The following DMD variants were observed in gnomAD, a reference collection of about 807,000 sequenced individuals.
DMD encodes dystrophin.
In DMD, 63 loss-of-function variants were observed where a neutral mutation model predicts 330.1. That is an observed-to-expected ratio of 0.19 (90% confidence interval 0.16 to 0.24). The LOEUF is 0.24. Ranked by LOEUF, DMD falls within the 10% of genes least tolerant of loss-of-function variation. The pLI, the probability that DMD is intolerant of heterozygous loss-of-function variation, is 1.00. For missense variants in DMD, 3,344 were observed against 2,684.1 expected, an observed-to-expected ratio of 1.25 and a Z score of -5.43; for synonymous variants, 1,223 against 959.8, an observed-to-expected ratio of 1.27 and a Z score of -5.07.
intron 47 of DMD, among the ~76,000 whole-genome samples, chrX:31,879,577 C>A: frequency 8.9e-6 from 1 of 112,172 alleles, no homozygotes; most frequent in African/African-American, 3.2e-5. Context: ...AATAATGAAT[C>A]ATTATTATTC....
At chrX:31,130,331 C>A (rs1037958712) in intron 77 of DMD, among the ~76,000 whole-genome samples, 4 of 111,667 alleles carry the variant, frequency 3.6e-5, no homozygotes, top group Non-Finnish European at 7.5e-5. Flanking sequence ...TTAGAGAGTA[C>A]CTTATAGTAA....
intron 9 of DMD, among the ~76,000 whole-genome samples, chrX:32,664,366 C>T (rs753500869): frequency 1.8e-5 from 2 of 108,562 alleles, no homozygotes; most frequent in African/African-American, 3.4e-5. Flanking sequence ...CTCAGCCTCC[C>T]GAGTAGCTGG....
At chrX:31,221,761 A>G (rs1280463719) in intron 64 of DMD, among the ~76,000 whole-genome samples, 1 of 113,045 alleles carries the variant, frequency 8.8e-6, no homozygotes, top group Non-Finnish European at 1.9e-5. Flanking sequence ...CAGAGCAGAA[A>G]CTGTGCCTGT....
chrX:32,416,952 C>T (rs946654709), intron 29 of DMD, among the ~76,000 whole-genome samples: 1 of 111,902 alleles, frequency 8.9e-6, no homozygotes, highest in Non-Finnish European at 1.9e-5. Context: ...TTTTTACCTA[C>T]TAACAGGTTG....
intron 43 of DMD, among the ~76,000 whole-genome samples, chrX:32,232,214 C>T (rs1383330408): frequency 1.8e-5 from 2 of 111,756 alleles, no homozygotes; most frequent in Admixed American, 9.5e-5. Flanking sequence ...CCGGGAGTTG[C>T]ACCCATAAGG....
chrX:32,617,833 G>A (rs1348199932), intron 11 of DMD, among the ~76,000 whole-genome samples: 1 of 111,033 alleles, frequency 9.0e-6, no homozygotes, highest in South Asian at 3.7e-4. Flanking sequence ...TATCTGATGG[G>A]GGTTCATATA....
At chrX:31,715,787 T>C (rs1423084457) in intron 52 of DMD, among the ~76,000 whole-genome samples, 1 of 111,030 alleles carries the variant, frequency 9.0e-6, no homozygotes, top group East Asian at 2.8e-4. Flanking sequence ...CACTACCCAT[T>C]GCAAAGTCTG....
chrX:32,463,403 G>A lies in DMD; in HGVS notation c.3432+36C>T, dbSNP rs72468659. ...ACATTAGGAAATCTTAGTTAAGTAC[G>A]TTGAGGCAAGCCACAGTGAAAGAGA... On this transcript the variant is annotated intron_variant, in intron 25 of 78. Transcript: ENST00000357033. 2,206 of 1,150,794 alleles carry A rather than the reference G, an allele frequency of 1.9e-3. 37 individuals are homozygous for A. In the African/African-American group the frequency reaches 0.034, roughly 18 times the overall value. The allele number at this position is 1,150,794 out of a possible 1,213,427, so 94.8% of individuals were successfully genotyped here.
Position 32,415,331 on chromosome X carries a change from G to A in DMD, c.4072-3418C>T, listed in dbSNP as rs2098162157. On this transcript the variant is annotated intron_variant, in intron 29 of 78. Coordinates refer to ENST00000357033, the MANE Select transcript of DMD (RefSeq NM_004006.3). Reference sequence around the variant, plus strand: ...TGATGGCAGAGTTGACTTCGGGTGGGTTGGCTCTTTTCCTGGCCTGACAGT... The same window carrying A: ...TGATGGCAGAGTTGACTTCGGGTGGATTGGCTCTTTTCCTGGCCTGACAGT... 2.7e-5 allele frequency among the ~76,000 whole-genome samples: 3 copies of A among 112,081 alleles called. No homozygotes were observed. In the South Asian group the frequency reaches 1.1e-3, roughly 41 times the overall value.
At chrX:31,511,425 G>A (rs1276206548) in intron 55 of DMD, among the ~76,000 whole-genome samples, 1 of 102,386 alleles carries the variant, frequency 9.8e-6, no homozygotes, top group Non-Finnish European at 2.0e-5. Flanking sequence ...CTGGTGCGCT[G>A]CACCCACTAA....
At chrX:31,410,666 A>T (rs753328210) in intron 60 of DMD, among the ~76,000 whole-genome samples, 6 of 109,564 alleles carry the variant, frequency 5.5e-5, no homozygotes, top group Admixed American at 2.0e-4. Flanking sequence ...TCTGATTTTG[A>T]CCTACATTAC....
intron 50 of DMD, among the ~76,000 whole-genome samples, chrX:31,815,042 T>C (rs886896575): frequency 4.4e-5 from 5 of 112,477 alleles, no homozygotes; most frequent in African/African-American, 1.6e-4. Context: ...GGAATCCCAC[T>C]CCTTGCTGCA....
chrX:33,290,923 T>G lies in DMD; in HGVS notation c.7+48336A>C, dbSNP rs912000971. Among the ~76,000 whole-genome samples the G allele has an allele frequency of 2.7e-5, 3 of 111,491 alleles. No homozygotes were observed. In the Admixed American group the frequency reaches 2.9e-4, roughly 11 times the overall value. On this transcript the variant is annotated intron_variant, in intron 1 of 17. Transcript: ENST00000288447. ...ACAACGGATATATTCTCAACATATA[T>G]GTATTTCCCACCAATTATGAGACAC...
intron 44 of DMD, among the ~76,000 whole-genome samples, chrX:32,128,731 C>T (rs1389461553): frequency 3.6e-5 from 4 of 111,700 alleles, no homozygotes; most frequent in African/African-American, 9.8e-5. Context: ...ATTCAACACT[C>T]GCATTTATCA....
intron 43 of DMD, among the ~76,000 whole-genome samples, chrX:32,256,691 C>T (rs917503380): frequency 1.8e-5 from 2 of 111,149 alleles, no homozygotes; most frequent in Non-Finnish European, 3.8e-5. Context: ...TTCAGGAGCT[C>T]TTGTAAGCCA....
At chrX:31,746,939 C>G in intron 51 of DMD, among the ~76,000 whole-genome samples, 1 of 111,641 alleles carries the variant, frequency 9.0e-6, no homozygotes, top group Non-Finnish European at 1.9e-5. Flanking sequence ...AACTAGGTCT[C>G]ATTCTTCAAA....
intron 2 of DMD, among the ~76,000 whole-genome samples, chrX:32,951,057 A>G (rs1338585099): frequency 8.9e-6 from 1 of 111,732 alleles, no homozygotes; most frequent in Non-Finnish European, 1.9e-5. Flanking sequence ...CCATAAACTG[A>G]GAAAATCATC....
intron 62 of DMD, among the ~76,000 whole-genome samples, chrX:31,267,210 A>G (rs2051253821): frequency 1.8e-5 from 2 of 112,650 alleles, no homozygotes; most frequent in Admixed American, 9.3e-5. Flanking sequence ...TAAAGCCTCT[A>G]GCAAGACTAC....
intron 43 of DMD, among the ~76,000 whole-genome samples, chrX:32,287,153 G>T (rs2097445291): frequency 9.0e-6 from 1 of 111,455 alleles, no homozygotes; most frequent in Admixed American, 9.6e-5. Context: ...TTGATAGGTA[G>T]TATTTTAAAC....
Sources: allele counts gnomAD v4.1 joint callset (sites outside exome capture counted in the v4.1 genomes callset), GRCh38; gene constraint gnomAD v4.1.1; transcripts MANE v1.5; gene names NCBI Gene and HGNC (gene_info 2026-07-23, HGNC 2026-07-21).